The following ZFPM1 variants were observed in gnomAD, a reference collection of about 807,000 sequenced individuals.
ZFPM1 encodes zinc finger protein, FOG family member 1, also known as zinc finger protein ZFPM1.
ZFPM1 carries 28 observed loss-of-function variants against 46.3 expected under a neutral mutation model. That is an observed-to-expected ratio of 0.60 (90% confidence interval 0.45 to 0.83). The LOEUF is 0.83. ZFPM1 is among the 40% of genes least tolerant of loss of function. The pLI, the probability that ZFPM1 is intolerant of heterozygous loss-of-function variation, is 0.00. For synonymous variants in ZFPM1, 957 were observed against 675.9 expected, an observed-to-expected ratio of 1.42 and a Z score of -6.45; for missense variants, 1,878 against 1,432.4, an observed-to-expected ratio of 1.31 and a Z score of -5.02.
chr16:88,520,249 TG>T (rs1911726730), intron 4 of ZFPM1, among the ~76,000 whole-genome samples: 1 of 149,946 alleles, frequency 6.7e-6, no homozygotes, highest in Non-Finnish European at 1.5e-5. Context: ...GCTGGGTGGA[TG>T]GATAGATGGA....
intron 3 of ZFPM1, among the ~76,000 whole-genome samples, chr16:88,513,822 C>A (rs1012517123): frequency 6.6e-6 from 1 of 152,204 alleles, no homozygotes; most frequent in Non-Finnish European, 1.5e-5. Context: ...TTCAGGCGAC[C>A]CTCATGGCTG....
At chr16:88,490,331 C>T (rs923617223) in intron 3 of ZFPM1, among the ~76,000 whole-genome samples, 2 of 152,172 alleles carry the variant, frequency 1.3e-5, no homozygotes, top group African/African-American at 4.8e-5. Context: ...GGATTACAGG[C>T]GTGAGCCACC....
intron 3 of ZFPM1, among the ~76,000 whole-genome samples, chr16:88,505,618 G>A (rs780126835): frequency 2.2e-4 from 34 of 152,262 alleles, no homozygotes; most frequent in Admixed American, 2.0e-4. Flanking sequence ...TGCCATGTGG[G>A]CTGGCCCTGA....
chr16:88,535,402 T>G lies in ZFPM1; in HGVS notation c.*423T>G. ...CACCCCAGCCCTGTCCATACCCCCC[T>G]AGGGAGAGCAGCCTCCACACTGCTG... On this transcript the variant is annotated 3_prime_UTR_variant, in exon 10 of 10. Transcript: ENST00000319555. 2 of 155,212 alleles carry G rather than the reference T, an allele frequency of 1.3e-5. No individual in the cohort carries two copies. The highest frequency in any genetic ancestry group is 1.4e-5 in the Non-Finnish European group (1 of 70,118). The allele number at this position is 155,212 out of a possible 1,614,324, so 9.6% of individuals were successfully genotyped here. A position where few individuals can be genotyped will look rare whatever the true frequency, so the allele number is the denominator to read the frequency against.
chr16:88,509,671 C>A (rs1428093060), intron 3 of ZFPM1, among the ~76,000 whole-genome samples: 1 of 152,010 alleles, frequency 6.6e-6, no homozygotes, highest in Non-Finnish European at 1.5e-5. Flanking sequence ...GAGAAACAGG[C>A]CCAGGGAGGC....
At chr16:88,526,774 G>T (rs1473940837) in intron 4 of ZFPM1, 40 bp from the exon 5 acceptor site, 2 of 1,534,266 alleles carry the variant, frequency 1.3e-6, no homozygotes, top group South Asian at 1.2e-5. Context: ...GCAGGCTGCT[G>T]ACGGACCCCT....
At chr16:88,456,145 A>T (rs1907549932) in intron 1 of ZFPM1, among the ~76,000 whole-genome samples, 1 of 152,172 alleles carries the variant, frequency 6.6e-6, no homozygotes, top group African/African-American at 2.4e-5. Flanking sequence ...AAACACACTT[A>T]ATTGCCAAGA....
intron 1 of ZFPM1, among the ~76,000 whole-genome samples, chr16:88,466,654 C>G (rs1018299639): frequency 2.6e-5 from 4 of 152,174 alleles, no homozygotes; most frequent in Non-Finnish European, 4.4e-5. Context: ...TCATCTGTCC[C>G]CAGAAAATAA....
Position 88,533,230 on chromosome 16 carries a change from A to T in ZFPM1, c.1272A>T (p.Pro424=). The T allele has an allele frequency of 6.4e-7, 1 of 1,561,786 alleles. No individual in the cohort carries two copies. ...CGGACCTGGGCCTGGCGCCCACCCC[A>T]TCGCCAGGACTGGACAGAAAGGCCC... ...ASADLGLAPT[P]SPGLDRKALA... Residue 424 remains proline, a synonymous_variant, in exon 10 of 10, where the codon CCA becomes CCT. Transcript: ENST00000319555.
intron 1 of ZFPM1, among the ~76,000 whole-genome samples, chr16:88,454,506 C>G (rs1003675833): frequency 2.6e-5 from 4 of 152,334 alleles, no homozygotes; most frequent in Non-Finnish European, 4.4e-5. Flanking sequence ...TCCCAGGACG[C>G]AGCCCCGGGC....
In ZFPM1 at chr16:88,462,625, G is replaced by A. The variant is rs189063050; in HGVS notation, c.40+8947G>A. Among the ~76,000 whole-genome samples the A allele has an allele frequency of 3.0e-3, 463 of 152,334 alleles. 1 individual carries two copies. The highest frequency in any genetic ancestry group is 6.2e-3 in the Admixed American group (95 of 15,306). Reference sequence around the variant, plus strand: ...GAGAGGGCAGCCACCGCGGGCTTCCGGGTTGTTCCGGGAGCTTCCCTGTGG... The same window carrying A: ...GAGAGGGCAGCCACCGCGGGCTTCCAGGTTGTTCCGGGAGCTTCCCTGTGG... On this transcript the variant is annotated intron_variant, in intron 1 of 9. Transcript: ENST00000319555.
At position 88,532,250 on chromosome 16, in the gene ZFPM1, C is replaced by CGGACGCGGGTCCTCA; in HGVS notation, c.946+19_946+33dup. ...CAGCCACAGCGGTGAGCCCCCACCC[C>CGGACGCGGGTCCTCA]GGACGCGGGTCCTCAGGATGCCGGC... On this transcript the variant is annotated intron_variant, in intron 7 of 9. Coordinates refer to ENST00000319555, the MANE Select transcript of ZFPM1 (RefSeq NM_153813.3). 1.3e-6 allele frequency: 2 copies of CGGACGCGGGTCCTCA among 1,576,704 alleles called. No homozygotes were observed. The highest frequency in any genetic ancestry group is 1.7e-6 in the Non-Finnish European group (2 of 1,158,166).
At chr16:88,519,034 A>ATGGG (rs1911576461) in intron 4 of ZFPM1, among the ~76,000 whole-genome samples, 1 of 131,034 alleles carries the variant, frequency 7.6e-6, no homozygotes, top group Non-Finnish European at 1.6e-5. Flanking sequence ...GGGTGGATGG[A>ATGGG]TGGGTGGATG....
intron 6 of ZFPM1, among the ~76,000 whole-genome samples, chr16:88,529,326 G>A (rs1912599255): frequency 6.6e-6 from 1 of 152,350 alleles, no homozygotes; most frequent in South Asian, 2.1e-4. Context: ...TAGCTTTGGT[G>A]ACCACAGAGT....
intron 3 of ZFPM1, among the ~76,000 whole-genome samples, chr16:88,490,907 C>T (rs1909528656): frequency 6.6e-6 from 1 of 152,166 alleles, no homozygotes; most frequent in Non-Finnish European, 1.5e-5. Context: ...GTGGGGGTTC[C>T]AGGCGCCATG....
chr16:88,533,404 G>A lies in ZFPM1; in HGVS notation c.1446G>A (p.Gly482=), dbSNP rs1237937359. The A allele has an allele frequency of 2.2e-5, 33 of 1,503,384 alleles. No homozygotes were observed. Among genetic ancestry groups the A allele is most frequent in the Non-Finnish European group, 2.8e-5 (32 of 1,134,848 alleles). The allele number at this position is 1,503,384 out of a possible 1,614,324, so 93.1% of individuals were successfully genotyped here. A position where few individuals can be genotyped will look rare whatever the true frequency, so the allele number is the denominator to read the frequency against. ...AAPILGPGEP[G]PQAPSRTPSP... ...CCATCCTGGGCCCCGGAGAGCCTGGGCCCCAGGCCCCGTCGCGGACGCCGT... is the reference window on the plus strand; with the variant it reads ...CCATCCTGGGCCCCGGAGAGCCTGGACCCCAGGCCCCGTCGCGGACGCCGT... The change falls in exon 10 of 10, where the codon GGG becomes GGA. Residue 482 remains glycine (G), a synonymous_variant. Coordinates refer to ENST00000319555, the MANE Select transcript of ZFPM1 (RefSeq NM_153813.3).
At chr16:88,502,065 C>CATTT (rs763371544) in intron 3 of ZFPM1, among the ~76,000 whole-genome samples, 891 of 72,850 alleles carry the variant, frequency 0.012, 18 homozygotes, top group African/African-American at 0.024. Context: ...CGCCCCCCCC[C>CATTT]ATTTATTTAT....
In ZFPM1 at chr16:88,480,597, G is replaced by T. The variant is rs147036554; in HGVS notation, c.41-5342G>T. ...ACTCCCAAGAGAGGCCAGCATAGGC[G>T]CCTGTGTCCCCTGCAGGCACCCACT... On this transcript the variant is annotated intron_variant, in intron 1 of 9. Transcript: ENST00000319555. This position sits in a 1 kb window ranked among gnomAD's most constrained non-coding sequence, Gnocchi z 4.9. Among the ~76,000 whole-genome samples, 56 of 152,344 alleles carry T rather than the reference G, an allele frequency of 3.7e-4. No individual in the cohort carries two copies. The highest frequency in any genetic ancestry group is 6.5e-4 in the Non-Finnish European group (44 of 68,030).
At chr16:88,474,890 T>C (rs371497571) in intron 1 of ZFPM1, among the ~76,000 whole-genome samples, 2 of 152,244 alleles carry the variant, frequency 1.3e-5, no homozygotes, top group African/African-American at 4.8e-5. Flanking sequence ...TCGAGACTGA[T>C]GAGTCCATAC....
Sources: allele counts gnomAD v4.1 joint callset (sites outside exome capture counted in the v4.1 genomes callset), GRCh38; gene constraint gnomAD v4.1.1; non-coding constraint Gnocchi (gnomAD v3.1); transcripts MANE v1.5; gene names NCBI Gene and HGNC (gene_info 2026-07-23, HGNC 2026-07-21).